EXOC2: variants seen among roughly 807,000 people sequenced by gnomAD.
EXOC2 encodes the protein SEC5-like 1.
EXOC2 carries 70 observed loss-of-function variants against 131.8 expected under a neutral mutation model. The ratio of observed to expected loss-of-function variants is 0.53; its 90% CI spans 0.44 to 0.65. The LOEUF is 0.65. EXOC2 is among the 30% of genes least tolerant of loss of function. EXOC2 has a pLI of 0.00. For synonymous variants in EXOC2, 411 were observed against 398.4 expected (o/e 1.03, Z -0.38); for missense variants, 923 against 1,108.6 (o/e 0.83, Z 2.38).
chr6:532,163 ACT>A (rs1766125948), intron 23 of EXOC2, among the ~76,000 whole-genome samples: 1 of 152,040 alleles, frequency 6.6e-6, no homozygotes. Context: ...ACTCACAATC[ACT>A]CTATTGTATC....
chr6:583,725 C>T (rs1759042571), intron 11 of EXOC2, among the ~76,000 whole-genome samples: 1 of 152,222 alleles, frequency 6.6e-6, no homozygotes, highest in Non-Finnish European at 1.5e-5. Flanking sequence ...TAAAACCCCA[C>T]TAAGCATTTC....
intron 13 of EXOC2, among the ~76,000 whole-genome samples, chr6:567,899 T>C (rs750614036): frequency 2.6e-5 from 4 of 152,170 alleles, no homozygotes; most frequent in Non-Finnish European, 5.9e-5. Flanking sequence ...ACCCTATGAT[T>C]TACTCCTGAA....
intron 23 of EXOC2, among the ~76,000 whole-genome samples, chr6:532,127 A>G (rs1319210110): frequency 1.3e-5 from 2 of 152,248 alleles, no homozygotes; most frequent in Non-Finnish European, 1.5e-5. Context: ...TTGATGATGT[A>G]CACAAGGTCA....
intron 1 of EXOC2, among the ~76,000 whole-genome samples, chr6:689,780 T>C (rs1038630660): frequency 1.3e-5 from 2 of 152,236 alleles, no homozygotes; most frequent in Non-Finnish European, 2.9e-5. Flanking sequence ...AGTCTTTTAC[T>C]GGTGTATGTA....
At chr6:683,313 T>C (rs1243468194) in intron 1 of EXOC2, among the ~76,000 whole-genome samples, 4 of 152,192 alleles carry the variant, frequency 2.6e-5, no homozygotes, top group Non-Finnish European at 5.9e-5. Context: ...AATAACAAAA[T>C]ACTTGACCAT....
At chr6:488,760 G>T (rs918966716) in intron 27 of EXOC2, among the ~76,000 whole-genome samples, 11 of 152,100 alleles carry the variant, frequency 7.2e-5, no homozygotes. Context: ...AAACCCAGAA[G>T]AAAGGTCTTA....
intron 11 of EXOC2, among the ~76,000 whole-genome samples, chr6:579,243 A>G (rs951034335): frequency 1.3e-5 from 2 of 152,220 alleles, no homozygotes; most frequent in African/African-American, 4.8e-5. Flanking sequence ...ATTGTTTAAT[A>G]TTAAACCATT....
chr6:630,409 G>C (rs1340925194), intron 3 of EXOC2, among the ~76,000 whole-genome samples: 1 of 152,152 alleles, frequency 6.6e-6, no homozygotes, highest in African/African-American at 2.4e-5. Flanking sequence ...TAAACTCTTG[G>C]AAAATGTCTG....
intron 23 of EXOC2, 137 bp from the exon 24 acceptor site, chr6:499,837 G>T (rs1299543957): frequency 4.7e-6 from 3 of 642,212 alleles, no homozygotes; most frequent in African/African-American, 1.9e-5. Flanking sequence ...TTCCTTTTGA[G>T]AATCAAATGG....
intron 11 of EXOC2, among the ~76,000 whole-genome samples, chr6:581,457 C>T (rs769173839): frequency 5.3e-5 from 8 of 152,182 alleles, no homozygotes; most frequent in Non-Finnish European, 1.2e-4. Flanking sequence ...AATCTCTCAA[C>T]ATTACCTGAG....
chr6:504,200 C>T (rs1440827133), intron 23 of EXOC2, among the ~76,000 whole-genome samples: 1 of 152,212 alleles, frequency 6.6e-6, no homozygotes, highest in African/African-American at 2.4e-5. Flanking sequence ...CCAGACCAGG[C>T]AGGGGCTGGG....
At chr6:600,623 A>T (rs564071404) in intron 7 of EXOC2, among the ~76,000 whole-genome samples, 3 of 151,876 alleles carry the variant, frequency 2.0e-5, no homozygotes, top group Non-Finnish European at 4.4e-5. Flanking sequence ...AAAAGTATGA[A>T]TTCAAAATTA....
chr6:688,554 T>TG lies in EXOC2; in HGVS notation c.-44+4464dup, dbSNP rs976741017. Among the ~76,000 whole-genome samples the TG allele has an allele frequency of 7.2e-5, 11 of 152,268 alleles. No individual in the cohort carries two copies. In the South Asian group the frequency reaches 2.3e-3, roughly 32 times the overall value. On this transcript the variant is annotated intron_variant, in intron 1 of 27. Transcript: ENST00000230449. Reference sequence around the variant, plus strand: ...AAGTTGAGGGACTATAAGCAAACAGTGGGAGGCCTGCACTTTGGATTTCAG... The same window carrying TG: ...AAGTTGAGGGACTATAAGCAAACAGTGGGGAGGCCTGCACTTTGGATTTCAG...
At chr6:514,846 G>A (rs999016911) in intron 23 of EXOC2, among the ~76,000 whole-genome samples, 1 of 152,204 alleles carries the variant, frequency 6.6e-6, no homozygotes, top group South Asian at 2.1e-4. Context: ...GGAGGAGGGC[G>A]GAGTCGGAGG....
intron 17 of EXOC2, among the ~76,000 whole-genome samples, chr6:557,261 T>C (rs1302687339): frequency 6.6e-6 from 1 of 152,200 alleles, no homozygotes; most frequent in African/African-American, 2.4e-5. Flanking sequence ...AAAGTCAAAG[T>C]TGACAAAATG....
chr6:666,194 T>A (rs1004709679), intron 1 of EXOC2, among the ~76,000 whole-genome samples: 2 of 152,192 alleles, frequency 1.3e-5, no homozygotes, highest in African/African-American at 4.8e-5. Context: ...CATTCTCACA[T>A]GAAACATTTT....
chr6:667,751 TA>T lies in EXOC2; in HGVS notation c.-44+25267del, dbSNP rs1763677919. ...CTCCCCTGGTTGAGGCCTTCAAACTTAGACTGAGCCATGCTACTGGCTTCTC... is the reference window on the plus strand; with the variant it reads ...CTCCCCTGGTTGAGGCCTTCAAACTTGACTGAGCCATGCTACTGGCTTCTC... On this transcript the variant is annotated intron_variant, in intron 1 of 27. Coordinates refer to ENST00000230449, the MANE Select transcript of EXOC2 (RefSeq NM_018303.6). 9.1e-5 allele frequency among the ~76,000 whole-genome samples: 3 copies of T among 33,098 alleles called. 1 individual carries two copies. The East Asian group carries it at 0.011, about 122-fold the overall frequency. The allele number at this position is 33,098 out of a possible 152,430, so 21.7% of individuals were successfully genotyped here. A position where few individuals can be genotyped will look rare whatever the true frequency, so the allele number is the denominator to read the frequency against.
At chr6:525,755 T>G (rs1426091575) in intron 23 of EXOC2, among the ~76,000 whole-genome samples, 1 of 152,234 alleles carries the variant, frequency 6.6e-6, no homozygotes, top group Non-Finnish European at 1.5e-5. Flanking sequence ...TCAAGATATG[T>G]GTATACATGT....
At chr6:670,021 AG>A (rs1161883243) in intron 1 of EXOC2, 3 of 152,244 alleles carry the variant, frequency 2.0e-5, no homozygotes, top group African/African-American at 7.2e-5. Flanking sequence ...GCTCTGCTAT[AG>A]TTCTGTCCAT....
Sources: gnomAD v4.1 joint callset for allele counts (sites outside exome capture counted in the v4.1 genomes callset) on GRCh38, gnomAD v4.1.1 for gene constraint, MANE v1.5 for transcripts, NCBI Gene and HGNC (gene_info 2026-07-23, HGNC 2026-07-21) for gene names.